Variants in SRRM1 observed in about 807,000 individuals in gnomAD.
SRRM1 encodes the protein serine and arginine repetitive matrix 1.
In SRRM1, 19 loss-of-function variants were observed where a neutral mutation model predicts 110.2. The ratio of observed to expected loss-of-function variants is 0.17; its 90% CI spans 0.12 to 0.25. The LOEUF is 0.25. Among genes scored for constraint, SRRM1 ranks in the 10% least tolerant of loss-of-function variants. The pLI is 1.00. For synonymous variants in SRRM1, 443 were observed against 414.9 expected, an observed-to-expected ratio of 1.07 and a Z score of -0.82; for missense variants, 918 against 1,145.8, an observed-to-expected ratio of 0.80 and a Z score of 2.87.
rs1049904260 is a variant in SRRM1, at chr1:24,669,600, T to C, written c.2204+13T>C. 2.6e-6 allele frequency: 4 copies of C among 1,523,814 alleles called. No individual in the cohort carries two copies. The highest frequency in any genetic ancestry group is 2.1e-5 in the Admixed American group (1 of 48,328). The allele number at this position is 1,523,814 out of a possible 1,614,324, so 94.4% of individuals were successfully genotyped here. ...AAAAGATAAAAAAGTAAAAATATTTTATGCTTTTCCATTAGGAATACTTAC... is the reference window on the plus strand; with the variant it reads ...AAAAGATAAAAAAGTAAAAATATTTCATGCTTTTCCATTAGGAATACTTAC... On this transcript the variant is annotated intron_variant, in intron 14 of 16. Transcript: ENST00000323848.
At position 24,660,703 on chromosome 1, in the gene SRRM1, T is replaced by C; in HGVS notation, c.1316-16T>C. On this transcript the variant is annotated splice_polypyrimidine_tract_variant and intron_variant, in intron 9 of 16. Coordinates refer to ENST00000323848, the MANE Select transcript of SRRM1 (RefSeq NM_005839.4). ...TTTTTGTACGTAAGCTTTTTTCCAC[T>C]CTTATTCTTTTTTAGTGACAAAACA... is the stretch of plus-strand genomic sequence containing the variant. The C allele has an allele frequency of 6.7e-7, 1 of 1,485,674 alleles. No homozygotes were observed. Among genetic ancestry groups the C allele is most frequent in the East Asian group, 2.3e-5 (1 of 42,772 alleles). 92.0% of individuals were successfully genotyped at this position (1,485,674 alleles called of 1,614,324 possible). A position where few individuals can be genotyped will look rare whatever the true frequency, so the allele number is the denominator to read the frequency against.
chr1:24,668,856 C>T (rs536557769), intron 13 of SRRM1, among the ~76,000 whole-genome samples: 1 of 152,178 alleles, frequency 6.6e-6, no homozygotes, highest in Admixed American at 6.5e-5. Flanking sequence ...AAATTCACAT[C>T]TTCTGAAAAT....
chr1:24,663,069 C>T, intron 12 of SRRM1: 1 of 1,049,040 alleles, frequency 9.5e-7, no homozygotes, highest in Non-Finnish European at 1.4e-6. Context: ...ATAGCAGTAA[C>T]TCCTGAACAT....
intron 10 of SRRM1, 104 bp downstream of exon 10, chr1:24,660,903 A>G (rs1390599990): frequency 2.2e-5 from 17 of 756,678 alleles, no homozygotes; most frequent in Non-Finnish European, 3.7e-5. Flanking sequence ...CTGCTTGAAG[A>G]TTAAGTATAG....
intron 9 of SRRM1, among the ~76,000 whole-genome samples, chr1:24,657,616 T>G (rs901299147): frequency 4.6e-5 from 7 of 151,954 alleles, no homozygotes; most frequent in Middle Eastern, 3.4e-3. Context: ...GCAAATGGAG[T>G]GGGAGGGAGG....
intron 10 of SRRM1, among the ~76,000 whole-genome samples, 176 bp from the exon 11 acceptor site, chr1:24,661,134 A>C (rs1463230576): frequency 1.3e-5 from 2 of 152,162 alleles, no homozygotes; most frequent in Non-Finnish European, 2.9e-5. Flanking sequence ...TATTTGGTGA[A>C]GATAGTCTAA....
chr1:24,663,011 C>A, intron 12 of SRRM1: 1 of 933,276 alleles, frequency 1.1e-6, no homozygotes, highest in Non-Finnish European at 1.6e-6. Context: ...AATTTTAAAC[C>A]ACCATGTCAT....
chr1:24,647,893 A>C (rs994122261), intron 3 of SRRM1: 2 of 152,228 alleles, frequency 1.3e-5, no homozygotes, highest in African/African-American at 4.8e-5. Context: ...ATTTTAGTGC[A>C]TTTTAAAAAC....
At chr1:24,658,633 T>TG (rs1286758467) in intron 9 of SRRM1, among the ~76,000 whole-genome samples, 7 of 152,220 alleles carry the variant, frequency 4.6e-5, no homozygotes, top group Non-Finnish European at 8.8e-5. Context: ...TGTGGTAACT[T>TG]GGACATGCAC....
rs140610717 is a variant in SRRM1 at position 24,655,029 on chromosome 1, A to C, written c.1215A>C (p.Ala405=). 2.0e-3 allele frequency: 3,167 copies of C among 1,614,176 alleles called. 6 individuals carry two copies. Among genetic ancestry groups the C allele is most frequent in the Non-Finnish European group, 2.5e-3 (3,006 of 1,180,038 alleles). Residue 405 remains alanine (A), a synonymous_variant, in exon 9 of 17, where the codon GCA becomes GCC. Coordinates refer to ENST00000323848, the MANE Select transcript of SRRM1 (RefSeq NM_005839.4). ...GAAGGCACAGGCCATCACCTCCTGCAACTCCACCACCCAAAACTCGGCATT... is the reference window on the plus strand; with the variant it reads ...GAAGGCACAGGCCATCACCTCCTGCCACTCCACCACCCAAAACTCGGCATT... The part of the protein sequence containing the change: ...PRRRHRPSPP[A]TPPPKTRHSP...
chr1:24,648,778 A>T, intron 3 of SRRM1, 81 bp from the exon 4 acceptor site: 1 of 1,294,100 alleles, frequency 7.7e-7, no homozygotes, highest in Non-Finnish European at 1.1e-6. Context: ...ATACTAATTT[A>T]AATGAGTTTT....
At chr1:24,667,038 A>T (rs1453213036) in intron 13 of SRRM1, 113 bp downstream of exon 13, 1 of 633,930 alleles carries the variant, frequency 1.6e-6, no homozygotes, top group East Asian at 3.0e-5. Context: ...GGCACAGCTC[A>T]TGTGTGCATG....
Position 24,661,373 on chromosome 1 carries a change from G to A in SRRM1, c.1460G>A (p.Arg487Gln), listed in dbSNP as rs775485393. The change falls in exon 11 of 17, where the codon CGA (arginine) becomes CAA (glutamine). Residue 487 changes from arginine to glutamine, a missense_variant. Arg to Gln is a conservative substitution (Grantham distance 43). This residue lies in a region of SRRM1 where 5 missense variants were observed against 17.2 expected (regional missense o/e 0.29). Coordinates refer to ENST00000323848, the MANE Select transcript of SRRM1 (RefSeq NM_005839.4). Reference protein sequence around the residue: ...DSVQQRRQYRRQNQQSSSDSG... With the variant: ...DSVQQRRQYRQQNQQSSSDSG... ...GTGCAGCAGAGACGCCAATACAGACGACAAAACCAGCAGTCTTCATCTGGT... is the reference window on the plus strand; with the variant it reads ...GTGCAGCAGAGACGCCAATACAGACAACAAAACCAGCAGTCTTCATCTGGT... The A allele has an allele frequency of 5.6e-6, 9 of 1,613,172 alleles. No individual in the cohort carries two copies. The highest frequency in any genetic ancestry group is 6.8e-6 in the Non-Finnish European group (8 of 1,179,456).
chr1:24,669,002 C>T, intron 13 of SRRM1, 121 bp from the exon 14 acceptor site: 1 of 753,294 alleles, frequency 1.3e-6, no homozygotes, highest in South Asian at 1.9e-5. Context: ...AGCATGTTCA[C>T]TTATAAATAT....
At position 24,643,828 on chromosome 1, in the gene SRRM1, C is replaced by CT. The variant is rs1376625049; in HGVS notation, c.21+488dup. 4.5e-5 allele frequency: 7 copies of CT among 156,134 alleles called. No homozygotes were observed. The East Asian group carries it at 5.6e-4, about 12-fold the overall frequency. The allele number at this position is 156,134 out of a possible 1,614,324, so 9.7% of individuals were successfully genotyped here. On this transcript the variant is annotated intron_variant, in intron 1 of 16. Coordinates refer to ENST00000323848, the MANE Select transcript of SRRM1 (RefSeq NM_005839.4). ...GAGAACAGGAAGAAGCATTCAGCGGCTTTTTTTGAAAAAGCGCCCTCCCCG... is the reference window on the plus strand; with the variant it reads ...GAGAACAGGAAGAAGCATTCAGCGGCTTTTTTTTGAAAAAGCGCCCTCCCCG...
At chr1:24,658,612 G>T (rs1022908107) in intron 9 of SRRM1, among the ~76,000 whole-genome samples, 12 of 152,140 alleles carry the variant, frequency 7.9e-5, no homozygotes, top group Non-Finnish European at 1.3e-4. Flanking sequence ...TGGGAACCCA[G>T]TTCTCTAAGG....
chr1:24,651,725 A>G (rs2148333228), intron 6 of SRRM1, 113 bp downstream of exon 6: 3 of 901,990 alleles, frequency 3.3e-6, no homozygotes, highest in Non-Finnish European at 5.0e-6. Context: ...GATTTTTTAA[A>G]TTATAAAATT....
chr1:24,655,241 A>G (rs1663353715), intron 9 of SRRM1, 112 bp downstream of exon 9: 2 of 1,192,980 alleles, frequency 1.7e-6, no homozygotes, highest in Admixed American at 2.2e-5. Flanking sequence ...TAATATTTGT[A>G]TCTAATACTC....
chr1:24,652,025 T>TAAAA (rs1162964267), intron 6 of SRRM1, among the ~76,000 whole-genome samples: 6 of 97,530 alleles, frequency 6.2e-5, no homozygotes, highest in African/African-American at 2.9e-4. Context: ...CCATCTGTAC[T>TAAAA]AAAAATATAT....
Sources: allele counts gnomAD v4.1 joint callset (sites outside exome capture counted in the v4.1 genomes callset), GRCh38; gene constraint gnomAD v4.1.1; regional missense constraint gnomAD v4.1.1; transcripts MANE v1.5; gene names NCBI Gene and HGNC (gene_info 2026-07-23, HGNC 2026-07-21).